Variants in SKAP1 observed in about 807,000 individuals in gnomAD.
The protein encoded by SKAP1 is src kinase associated phosphoprotein 1.
Under a neutral mutation model 58.5 loss-of-function variants are expected in SKAP1, and 44 were observed. The ratio of observed to expected loss-of-function variants is 0.75; its 90% confidence interval spans 0.59 to 0.97. SKAP1 has a LOEUF of 0.97. SKAP1 is among the 50% of genes least tolerant of loss of function. The pLI is 0.00. For synonymous variants in SKAP1, 127 were observed against 149.7 expected (o/e 0.85, Z 1.11); for missense variants, 390 against 435.2 (o/e 0.90, Z 0.92).
intron 3 of SKAP1, among the ~76,000 whole-genome samples, chr17:48,356,558 A>G (rs2066878659): frequency 6.6e-6 from 1 of 152,098 alleles, no homozygotes; most frequent in Non-Finnish European, 1.5e-5. Flanking sequence ...ATCTAATATA[A>G]CAAGGGTCTC....
chr17:48,363,601 G>A (rs990856326), intron 3 of SKAP1, among the ~76,000 whole-genome samples, 188 bp downstream of exon 3: 2 of 152,216 alleles, frequency 1.3e-5, no homozygotes, highest in African/African-American at 4.8e-5. Context: ...AGGAAGCATA[G>A]AGCTTCTTGT....
chr17:48,243,969 A>T (rs898031934), intron 4 of SKAP1, among the ~76,000 whole-genome samples: 4 of 152,228 alleles, frequency 2.6e-5, no homozygotes, highest in African/African-American at 9.6e-5. Flanking sequence ...AAAAAAGTTC[A>T]GGAGAAGAAA....
At chr17:48,264,153 A>G (rs1375162300) in intron 4 of SKAP1, among the ~76,000 whole-genome samples, 8 of 150,832 alleles carry the variant, frequency 5.3e-5, no homozygotes, top group Admixed American at 5.3e-4. Context: ...AATGGTTAAA[A>G]TTGATTTTTT....
chr17:48,187,898 C>T lies in SKAP1; in HGVS notation c.387G>A (p.Gln129=), dbSNP rs1246376094. 1 of 1,613,994 alleles carries T rather than the reference C, an allele frequency of 6.2e-7. No homozygotes were observed. The highest frequency in any genetic ancestry group is 1.7e-5 in the Admixed American group (1 of 60,034). Residue 129 remains glutamine (Q), a synonymous_variant, in exon 6 of 13, where the codon CAG becomes CAA. Transcript: ENST00000336915. ...KDHSFFGSEW[Q]KRWCVVSRGL... is the part of the protein sequence containing the mutation. The stretch of plus-strand genomic sequence containing the variant: ...CTCTGCTGACAACACACCATCGCTT[C>T]TGCCACTCCGATCCAAAGAAACTAT...
intron 11 of SKAP1, among the ~76,000 whole-genome samples, chr17:48,142,296 T>TA (rs1387920331): frequency 3.3e-5 from 5 of 152,264 alleles, no homozygotes; most frequent in Admixed American, 6.5e-5. Flanking sequence ...ACCCTGTCTC[T>TA]ATTAAAAATA....
intron 1 of SKAP1, among the ~76,000 whole-genome samples, chr17:48,419,360 C>G (rs968489614): frequency 4.0e-5 from 6 of 151,842 alleles, no homozygotes; most frequent in African/African-American, 1.5e-4. Flanking sequence ...TCTTGGCTCA[C>G]TGCAACCTCC....
At chr17:48,410,754 T>C (rs1160578408) in intron 1 of SKAP1, among the ~76,000 whole-genome samples, 2 of 151,068 alleles carry the variant, frequency 1.3e-5, no homozygotes, top group African/African-American at 4.9e-5. Flanking sequence ...TGGTGAAACC[T>C]GGTCTCTACT....
At chr17:48,346,055 A>T in intron 3 of SKAP1, 49 bp from the exon 4 acceptor site, 1 of 1,115,652 alleles carries the variant, frequency 9.0e-7, no homozygotes, top group Non-Finnish European at 1.3e-6. Flanking sequence ...GGGCATCCTT[A>T]TAAAAGGATA....
At chr17:48,298,220 AC>A (rs1299521146) in intron 4 of SKAP1, among the ~76,000 whole-genome samples, 2 of 152,208 alleles carry the variant, frequency 1.3e-5, no homozygotes, top group African/African-American at 4.8e-5. Context: ...AAGTTTCCGG[AC>A]TTCTATAAAG....
At chr17:48,136,908 A>C in intron 12 of SKAP1, 1 of 197,176 alleles carries the variant, frequency 5.1e-6, no homozygotes, top group South Asian at 9.1e-5. Context: ...ACCTCAGGTG[A>C]TCTGCCCACC....
At chr17:48,426,317 T>C (rs928337703) in intron 1 of SKAP1, among the ~76,000 whole-genome samples, 1 of 152,230 alleles carries the variant, frequency 6.6e-6, no homozygotes, top group Non-Finnish European at 1.5e-5. Context: ...TTATTTTGGC[T>C]TAAATCCATA....
At chr17:48,378,760 GTC>G (rs1204222970) in intron 2 of SKAP1, among the ~76,000 whole-genome samples, 2 of 152,044 alleles carry the variant, frequency 1.3e-5, no homozygotes, top group African/African-American at 2.4e-5. Context: ...GCATCTTCTT[GTC>G]TCTCTGTCAC....
chr17:48,415,327 C>A (rs527705207), intron 1 of SKAP1, among the ~76,000 whole-genome samples: 139 of 144,352 alleles, frequency 9.6e-4, no homozygotes, highest in African/African-American at 3.7e-3. Flanking sequence ...GTTAGCACCA[C>A]CCTTTGGCAA....
At chr17:48,175,466 A>G (rs2064277092) in intron 9 of SKAP1, among the ~76,000 whole-genome samples, 1 of 152,238 alleles carries the variant, frequency 6.6e-6, no homozygotes, top group South Asian at 2.1e-4. Flanking sequence ...ACAACATGCA[A>G]AATACAAGCA....
intron 9 of SKAP1, among the ~76,000 whole-genome samples, chr17:48,171,725 G>GTTTTAAGCACTCTA (rs2064219617): frequency 7.8e-6 from 1 of 127,480 alleles, no homozygotes; most frequent in Non-Finnish European, 1.7e-5. Context: ...TCTAGAGTTA[G>GTTTTAAGCACTCTA]GATGTTAGAG....
intron 4 of SKAP1, among the ~76,000 whole-genome samples, chr17:48,317,140 G>T (rs962705999): frequency 7.2e-5 from 11 of 152,178 alleles, no homozygotes; most frequent in Non-Finnish European, 1.5e-4. Context: ...TCTATGCTCA[G>T]ACGGATGTTC....
At chr17:48,272,991 C>T (rs2065652612) in intron 4 of SKAP1, among the ~76,000 whole-genome samples, 1 of 152,178 alleles carries the variant, frequency 6.6e-6, no homozygotes. Flanking sequence ...TAAAGTATAG[C>T]AGGTTTGATC....
chr17:48,307,431 A>G (rs2066160073), intron 4 of SKAP1: 1 of 152,334 alleles, frequency 6.6e-6, no homozygotes, highest in South Asian at 2.1e-4. Flanking sequence ...CTACCAGCAG[A>G]GTTCAGACAG....
At chr17:48,382,666 C>T (rs570343219) in intron 2 of SKAP1, 4 of 152,360 alleles carry the variant, frequency 2.6e-5, no homozygotes, top group Non-Finnish European at 4.4e-5. Context: ...TCCTCTGTTA[C>T]TTCTATAACC....
Sources: gnomAD v4.1 joint callset for allele counts (sites outside exome capture counted in the v4.1 genomes callset) on GRCh38, gnomAD v4.1.1 for gene constraint, MANE v1.5 for transcripts, NCBI Gene and HGNC (gene_info 2026-07-23, HGNC 2026-07-21) for gene names.